GMEB2: variants seen among roughly 807,000 people sequenced by gnomAD.
GMEB2 encodes the protein glucocorticoid modulatory element-binding protein 2.
A neutral mutation model predicts 45.7 loss-of-function variants in GMEB2; 7 were observed. The observed-to-expected ratio is 0.15, with a 90% confidence interval of 0.09 to 0.29. The LOEUF (loss-of-function observed/expected upper bound fraction) is 0.29, where lower values mean the gene tolerates loss of function less well. Ranked by LOEUF, GMEB2 falls within the 10% of genes least tolerant of loss-of-function variation. The pLI is 1.00. For synonymous variants in GMEB2, 322 were observed against 323.6 expected (o/e 1.00, Z 0.05); for missense variants, 582 against 739.2 (o/e 0.79, Z 2.47).
intron 2 of GMEB2, among the ~76,000 whole-genome samples, chr20:63,605,362 G>A (rs13044853): frequency 0.17 from 26,003 of 150,074 alleles, 3,048 homozygotes; most frequent in East Asian, 0.5. Flanking sequence ...GTAAAACCTC[G>A]TCTTTACTAA....
At chr20:63,623,524 C>A (rs1432487289) in intron 1 of GMEB2, among the ~76,000 whole-genome samples, 1 of 152,098 alleles carries the variant, frequency 6.6e-6, no homozygotes, top group South Asian at 2.1e-4. Context: ...TTAGGCCGGG[C>A]GCGGTGGCTC....
At chr20:63,616,519 T>C (rs1337579378) in intron 2 of GMEB2, among the ~76,000 whole-genome samples, 1 of 152,126 alleles carries the variant, frequency 6.6e-6, no homozygotes, top group Non-Finnish European at 1.5e-5. Flanking sequence ...AGGGAAGAGC[T>C]TCCAAAGTGT....
Position 63,600,407 on chromosome 20 carries a change from C to T in GMEB2, c.358-2547G>A, listed in dbSNP as rs117821105. On this transcript the variant is annotated intron_variant, in intron 4 of 9. Coordinates refer to ENST00000370077, the MANE Select transcript of GMEB2 (RefSeq NM_012384.5). Reference sequence around the variant, plus strand: ...TGGAGCATGCAGCTGCCTTGCTCTTCGGCTTTTGTCCCCATTAAGACTGCA... The same window carrying T: ...TGGAGCATGCAGCTGCCTTGCTCTTTGGCTTTTGTCCCCATTAAGACTGCA... 5.5e-3 allele frequency among the ~76,000 whole-genome samples: 828 copies of T among 151,282 alleles called. 30 individuals are homozygous for T. In the East Asian group the frequency reaches 0.1, roughly 19 times the overall value.
chr20:63,593,740 G>C lies in GMEB2; in HGVS notation c.620-658C>G, dbSNP rs1029381418. The stretch of plus-strand genomic sequence containing the variant: ...GATCTGGCTTAAAAAACAAACCCGG[G>C]GCCGGATGTGGTGGCTCACGCCTGT... On this transcript the variant is annotated intron_variant, in intron 6 of 9. Coordinates refer to ENST00000370077, the MANE Select transcript of GMEB2 (RefSeq NM_012384.5). This position sits in a 1 kb window ranked among gnomAD's most constrained non-coding sequence, Gnocchi z 4.7. 1.8e-4 allele frequency among the ~76,000 whole-genome samples: 27 copies of C among 152,122 alleles called. 1 individual carries two copies. The highest frequency in any genetic ancestry group is 6.3e-4 in the African/African-American group (26 of 41,410).
In GMEB2 at chr20:63,592,086, C is replaced by T. The variant is rs1397838104; in HGVS notation, c.888G>A (p.Lys296=). ...QNFGMLDLVK[K]VLASHKCQMD... Reference sequence around the variant, plus strand: ...TCTGGCACTTGTGGCTGGCCAGCACCTTCTTCACCAGGTCCAGCATGCCGA... The same window carrying T: ...TCTGGCACTTGTGGCTGGCCAGCACTTTCTTCACCAGGTCCAGCATGCCGA... The change falls in exon 9 of 10, where the codon AAG becomes AAA. Residue 296 remains lysine, a synonymous_variant. Coordinates refer to ENST00000370077, the MANE Select transcript of GMEB2 (RefSeq NM_012384.5). This position sits in a 1 kb window ranked among gnomAD's most constrained non-coding sequence, Gnocchi z 8.2. 3 of 1,613,488 alleles carry T rather than the reference C, an allele frequency of 1.9e-6. No homozygotes were observed. The highest frequency in any genetic ancestry group is 3.3e-5 in the Admixed American group (2 of 59,998).
chr20:63,594,655 G>A (rs2083178582), intron 6 of GMEB2, among the ~76,000 whole-genome samples: 1 of 152,234 alleles, frequency 6.6e-6, no homozygotes, highest in African/African-American at 2.4e-5. Flanking sequence ...CGGAGTGGCA[G>A]CTTAGGGACA....
Position 63,592,521 on chromosome 20 carries a change from G to A in GMEB2, c.829+12C>T. 1 of 1,602,938 alleles carries A rather than the reference G, an allele frequency of 6.2e-7. No homozygotes were observed. Among genetic ancestry groups the A allele is most frequent in the Non-Finnish European group, 8.5e-7 (1 of 1,172,304 alleles). On this transcript the variant is annotated intron_variant, in intron 8 of 9. Transcript: ENST00000370077. The surrounding 1 kb of genome is among the most constrained non-coding windows in gnomAD (Gnocchi z 8.2). ...CTGAGTAGCCAGCAAGAGGGAAGATGCAGCTTCTCACCTCGAAGCTGCAGG... is the reference window on the plus strand; with the variant it reads ...CTGAGTAGCCAGCAAGAGGGAAGATACAGCTTCTCACCTCGAAGCTGCAGG...
rs1293215674 is a variant in GMEB2, at chr20:63,619,091, G to A, written c.131+176C>T. Among the ~76,000 whole-genome samples the A allele has an allele frequency of 1.3e-5, 2 of 152,124 alleles. No individual in the cohort carries two copies. The highest frequency in any genetic ancestry group is 1.5e-5 in the Non-Finnish European group (1 of 68,016). ...GCTGCAGCTGGGTCTTCTGGTCCCC[G>A]TGCCATTTCTGCTTTTCTTCGCTCT... On this transcript the variant is annotated intron_variant, in intron 2 of 9. Transcript: ENST00000370077. The surrounding 1 kb of genome is among the most constrained non-coding windows in gnomAD (Gnocchi z 4.6).
At position 63,590,075 on chromosome 20, in the gene GMEB2, C is replaced by T. The variant is rs376285096; in HGVS notation, c.*14G>A. ...CCAGCCCTGTCCGTCCCAGGGGCCT[C>T]GCCCTCCTGTCGGCTACTTCCGCTC... On this transcript the variant is annotated 3_prime_UTR_variant, in exon 10 of 10. Coordinates refer to ENST00000370077, the MANE Select transcript of GMEB2 (RefSeq NM_012384.5). The T allele has an allele frequency of 1.1e-4, 160 of 1,498,650 alleles. 1 individual carries two copies. The African/African-American group carries it at 2.0e-3, about 19-fold the overall frequency. The allele number at this position is 1,498,650 out of a possible 1,614,324, so 92.8% of individuals were successfully genotyped here.
rs182175430 is a variant in GMEB2, at chr20:63,624,142, C to A, written c.-58+2814G>T. 5.0e-5 allele frequency among the ~76,000 whole-genome samples: 7 copies of A among 140,608 alleles called. No individual in the cohort carries two copies. The Admixed American group carries it at 5.0e-4, about 10-fold the overall frequency. 92.2% of individuals were successfully genotyped at this position (140,608 alleles called of 152,430 possible). On this transcript the variant is annotated intron_variant, in intron 1 of 9. Transcript: ENST00000370077. The stretch of plus-strand genomic sequence containing the variant: ...AAAAAAATTCAAAAATTTGGCCAGG[C>A]GTGGTGGCTCACGCCTGTAATCCCA...
intron 2 of GMEB2, among the ~76,000 whole-genome samples, chr20:63,608,927 C>A (rs1362212248): frequency 9.5e-5 from 3 of 31,720 alleles, no homozygotes; most frequent in Non-Finnish European, 1.7e-4. Context: ...GAAACATGCC[C>A]CTGTGACCCC....
At chr20:63,594,966 C>A (rs1168547752) in intron 6 of GMEB2, among the ~76,000 whole-genome samples, 1 of 152,176 alleles carries the variant, frequency 6.6e-6, no homozygotes, top group African/African-American at 2.4e-5. Context: ...CCAGGCTGGC[C>A]TCAAGTGATC....
At chr20:63,616,825 A>G (rs1452194264) in intron 2 of GMEB2, among the ~76,000 whole-genome samples, 1 of 152,202 alleles carries the variant, frequency 6.6e-6, no homozygotes, top group African/African-American at 2.4e-5. Context: ...GAGCTAGGGG[A>G]AGGCGTTATC....
In GMEB2 at chr20:63,599,451, G is replaced by A. The variant is rs1431909313; in HGVS notation, c.358-1591C>T. ...GAACATCCTTCCATCATGATCTGCT[G>A]GTGGCAAACTCGTGTCTTTTTCTGG... On this transcript the variant is annotated intron_variant, in intron 4 of 9. Coordinates refer to ENST00000370077, the MANE Select transcript of GMEB2 (RefSeq NM_012384.5). Among the ~76,000 whole-genome samples the A allele has an allele frequency of 2.0e-5, 3 of 152,184 alleles. No individual in the cohort carries two copies. In the East Asian group the frequency reaches 5.8e-4, roughly 29 times the overall value.
chr20:63,604,892 C>T, intron 2 of GMEB2, 52 bp from the exon 3 acceptor site: 1 of 984,072 alleles, frequency 1.0e-6, no homozygotes, highest in East Asian at 2.4e-5. Context: ...GAGGGCACAA[C>T]CTGCAGGGCA....
At chr20:63,600,575 A>G (rs1277209113) in intron 4 of GMEB2, among the ~76,000 whole-genome samples, 1 of 151,594 alleles carries the variant, frequency 6.6e-6, no homozygotes. Context: ...AAAATCAGCC[A>G]GGCATGGTGG....
chr20:63,599,117 GGCCACTCCTGACCCCCCAGAGCTAACGCA>G (rs1216170166), intron 4 of GMEB2, among the ~76,000 whole-genome samples: 2 of 152,150 alleles, frequency 1.3e-5, no homozygotes, highest in Non-Finnish European at 1.5e-5. Flanking sequence ...GAGCTAACGC[GGCCACTCCTGACCCCCCAGAGCTAACGCA>G]GCCGCTCCTG....
At chr20:63,596,623 G>A (rs1048949210) in intron 5 of GMEB2, among the ~76,000 whole-genome samples, 32 of 152,368 alleles carry the variant, frequency 2.1e-4, no homozygotes, top group African/African-American at 6.3e-4. Flanking sequence ...CTAGTCACTC[G>A]TGAGGTCTCA....
Position 63,593,468 on chromosome 20 carries a change from C to T in GMEB2, c.620-386G>A, listed in dbSNP as rs1432143317. Among the ~76,000 whole-genome samples the T allele has an allele frequency of 1.3e-5, 2 of 151,910 alleles. No homozygotes were observed. The highest frequency in any genetic ancestry group is 2.4e-5 in the African/African-American group (1 of 41,332). On this transcript the variant is annotated intron_variant, in intron 6 of 9. Transcript: ENST00000370077. This position sits in a 1 kb window ranked among gnomAD's most constrained non-coding sequence, Gnocchi z 4.7. ...ACTTGTTTTCCCACCGAGAGCTCTGCGGCTGCGTCTGTCGCCCGTGGGGCT... is the reference window on the plus strand; with the variant it reads ...ACTTGTTTTCCCACCGAGAGCTCTGTGGCTGCGTCTGTCGCCCGTGGGGCT...
Sources: gnomAD v4.1 joint callset for allele counts (sites outside exome capture counted in the v4.1 genomes callset) on GRCh38, gnomAD v4.1.1 for gene constraint, Gnocchi (gnomAD v3.1) non-coding constraint, MANE v1.5 for transcripts, NCBI Gene and HGNC (gene_info 2026-07-23, HGNC 2026-07-21) for gene names.